The following LRRC7 variants were observed in gnomAD, a reference collection of about 807,000 sequenced individuals.
LRRC7 encodes leucine-rich repeat-containing protein 7.
A neutral mutation model predicts 175.7 loss-of-function variants in LRRC7; 23 were observed. The observed-to-expected ratio is 0.13, with a 90% CI of 0.09 to 0.19. LRRC7 has a LOEUF of 0.19. Ranked by LOEUF, LRRC7 falls within the 10% of genes least tolerant of loss-of-function variation. The pLI, the probability that LRRC7 is intolerant of heterozygous loss-of-function variation, is 1.00. For missense variants in LRRC7, 1,354 were observed against 1,904.7 expected (o/e 0.71, Z 5.38); for synonymous variants, 685 against 680.9 (o/e 1.01, Z -0.09).
At chr1:69,687,519 C>A (rs1404003564) in intron 2 of LRRC7, among the ~76,000 whole-genome samples, 85 of 19,934 alleles carry the variant, frequency 4.3e-3, no homozygotes, top group African/African-American at 9.7e-3. Context: ...CAAGAAAAAA[C>A]CAAAAAAAAA....
intron 26 of LRRC7, among the ~76,000 whole-genome samples, chr1:70,116,809 A>G (rs1430083145): frequency 1.3e-5 from 2 of 152,176 alleles, no homozygotes; most frequent in Admixed American, 6.5e-5. Flanking sequence ...ATATCCCAAT[A>G]CTTAATGAGA....
intron 1 of LRRC7, among the ~76,000 whole-genome samples, chr1:69,614,458 C>G (rs933777969): frequency 6.6e-6 from 1 of 152,032 alleles, no homozygotes. Context: ...GCCACTAAAA[C>G]TGAATGCAAA....
intron 7 of LRRC7, among the ~76,000 whole-genome samples, chr1:69,911,399 CTAAGT>C (rs1646526345): frequency 6.6e-6 from 1 of 152,206 alleles, no homozygotes; most frequent in Admixed American, 6.5e-5. Flanking sequence ...AATGACTAAT[CTAAGT>C]TATTTCCCCA....
chr1:70,122,488 A>G lies in LRRC7; in HGVS notation c.*601A>G, dbSNP rs1666263660. 1 of 152,126 alleles carries G rather than the reference A, an allele frequency of 6.6e-6. No individual in the cohort carries two copies. Among genetic ancestry groups the G allele is most frequent in the Non-Finnish European group, 1.5e-5 (1 of 67,952 alleles). The allele number at this position is 152,126 out of a possible 1,614,324, so 9.4% of individuals were successfully genotyped here. ...TAATGCCTTATGAAAGTAACTGTAC[A>G]TATGGTATAAAGTGTTTATATTTGG... is the stretch of plus-strand genomic sequence containing the variant. On this transcript the variant is annotated 3_prime_UTR_variant, in exon 27 of 27. Coordinates refer to ENST00000651989, the MANE Select transcript of LRRC7 (RefSeq NM_001370785.2).
intron 2 of LRRC7, among the ~76,000 whole-genome samples, chr1:69,727,541 C>G (rs1667107859): frequency 6.6e-6 from 1 of 151,992 alleles, no homozygotes; most frequent in Non-Finnish European, 1.5e-5. Flanking sequence ...GGGGACAATA[C>G]AAGTCTAAGT....
chr1:69,983,114 G>GT (rs1343549199), intron 9 of LRRC7, among the ~76,000 whole-genome samples: 3 of 152,172 alleles, frequency 2.0e-5, no homozygotes, highest in African/African-American at 7.2e-5. Context: ...GTGAACTTAG[G>GT]TAACATGATA....
intron 2 of LRRC7, among the ~76,000 whole-genome samples, chr1:69,684,627 G>A (rs1660895190): frequency 6.6e-6 from 1 of 152,110 alleles, no homozygotes; most frequent in Non-Finnish European, 1.5e-5. Context: ...AGGACAACAG[G>A]ACTTGAAGAA....
chr1:70,012,031 A>AAT (rs1656558551), intron 12 of LRRC7, 105 bp downstream of exon 12: 1 of 705,392 alleles, frequency 1.4e-6, no homozygotes, highest in Non-Finnish European at 2.3e-6. Flanking sequence ...TTGAGCTGTG[A>AAT]ATATATATAG....
At chr1:69,747,241 G>A (rs191654035) in intron 2 of LRRC7, among the ~76,000 whole-genome samples, 8 of 152,246 alleles carry the variant, frequency 5.3e-5, no homozygotes, top group South Asian at 2.1e-4. Flanking sequence ...ATTTTTCTAC[G>A]AAGTTAATCC....
chr1:69,743,405 G>T (rs1328299046), intron 2 of LRRC7, among the ~76,000 whole-genome samples: 4 of 152,010 alleles, frequency 2.6e-5, no homozygotes, highest in Non-Finnish European at 5.9e-5. Flanking sequence ...AAAAACACTT[G>T]CAAAAGCACG....
intron 2 of LRRC7, among the ~76,000 whole-genome samples, chr1:69,728,063 T>C (rs1667170911): frequency 6.6e-6 from 1 of 152,196 alleles, no homozygotes; most frequent in Non-Finnish European, 1.5e-5. Flanking sequence ...GATGTGTATT[T>C]ACTGGCAGTT....
At chr1:69,601,840 T>C (rs1000866831) in intron 1 of LRRC7, among the ~76,000 whole-genome samples, 4 of 152,106 alleles carry the variant, frequency 2.6e-5, no homozygotes, top group Non-Finnish European at 5.9e-5. Context: ...AAATTTAAAA[T>C]TTGTTAGTCT....
At chr1:69,909,294 G>A (rs1329684693) in intron 7 of LRRC7, among the ~76,000 whole-genome samples, 2 of 152,248 alleles carry the variant, frequency 1.3e-5, no homozygotes, top group African/African-American at 2.4e-5. Flanking sequence ...TGTTATGTGT[G>A]TATTTGGTCC....
At chr1:69,702,793 T>C (rs954074044) in intron 2 of LRRC7, among the ~76,000 whole-genome samples, 6 of 152,124 alleles carry the variant, frequency 3.9e-5, no homozygotes, top group Non-Finnish European at 8.8e-5. Flanking sequence ...TTAAGATGAA[T>C]ATATTTGATG....
At chr1:69,947,329 G>T (rs1649444013) in intron 8 of LRRC7, among the ~76,000 whole-genome samples, 1 of 151,560 alleles carries the variant, frequency 6.6e-6, no homozygotes, top group African/African-American at 2.4e-5. Flanking sequence ...TAACTTTTTT[G>T]TGTTATTTTT....
chr1:69,914,897 A>G (rs984654674), intron 7 of LRRC7, among the ~76,000 whole-genome samples: 5 of 152,184 alleles, frequency 3.3e-5, no homozygotes, highest in Non-Finnish European at 5.9e-5. Flanking sequence ...GGCCCTTTAC[A>G]GAGAATGTTT....
At chr1:69,867,457 A>G (rs969311446) in intron 7 of LRRC7, among the ~76,000 whole-genome samples, 7 of 152,310 alleles carry the variant, frequency 4.6e-5, no homozygotes, top group African/African-American at 1.7e-4. Flanking sequence ...GAAGGATGCA[A>G]TGATCCACTG....
At chr1:69,740,689 CT>C (rs780434590) in intron 2 of LRRC7, among the ~76,000 whole-genome samples, 2 of 152,058 alleles carry the variant, frequency 1.3e-5, no homozygotes, top group Non-Finnish European at 2.9e-5. Flanking sequence ...TTGGCCAAAA[CT>C]CAGCGATTGG....
At chr1:69,663,746 G>A (rs1421303578) in intron 1 of LRRC7, among the ~76,000 whole-genome samples, 4 of 110,330 alleles carry the variant, frequency 3.6e-5, no homozygotes, top group Non-Finnish European at 6.6e-5. Flanking sequence ...ACGGAGTCTC[G>A]CTCTGTCGCC....
Sources: allele counts gnomAD v4.1 joint callset (sites outside exome capture counted in the v4.1 genomes callset), GRCh38; gene constraint gnomAD v4.1.1; transcripts MANE v1.5; gene names NCBI Gene and HGNC (gene_info 2026-07-23, HGNC 2026-07-21).